The following DYTN variants were observed in gnomAD, a reference collection of about 807,000 sequenced individuals.
DYTN encodes dystrotelin.
A neutral mutation model predicts 69.6 loss-of-function variants in DYTN; 75 were observed. That is an observed-to-expected ratio of 1.08 (90% CI 0.89 to 1.31). The LOEUF (loss-of-function observed/expected upper bound fraction) is 1.31. DYTN is among the 50% of genes most tolerant of loss of function. The pLI is 0.00. For missense variants in DYTN, 726 were observed against 688.4 expected (o/e 1.05, Z -0.61); for synonymous variants, 252 against 249.1 (o/e 1.01, Z -0.11).
At chr2:206,700,283 G>A (rs993819106) in intron 5 of DYTN, 67 bp from the exon 6 acceptor site, 3 of 1,568,948 alleles carry the variant, frequency 1.9e-6, no homozygotes, top group Admixed American at 1.7e-5. Context: ...GGAGCAGCAG[G>A]GCTGAGAGCT....
chr2:206,662,771 A>G, intron 11 of DYTN, 132 bp downstream of exon 11: 2 of 1,367,528 alleles, frequency 1.5e-6, no homozygotes, highest in Non-Finnish European at 2.0e-6. Flanking sequence ...GATGCTACTG[A>G]TAACCAATAG....
chr2:206,666,896 C>CAA (rs150698653), intron 9 of DYTN, among the ~76,000 whole-genome samples: 2,540 of 143,348 alleles, frequency 0.018, 59 homozygotes, highest in Non-Finnish European at 0.027. Context: ...CACACACACA[C>CAA]AAATTAGCTG....
At chr2:206,656,844 C>A (rs974489938) in intron 11 of DYTN, among the ~76,000 whole-genome samples, 1 of 151,114 alleles carries the variant, frequency 6.6e-6, no homozygotes, top group Admixed American at 6.6e-5. Flanking sequence ...TTCACCGCAA[C>A]CTCTGCCTCC....
intron 9 of DYTN, among the ~76,000 whole-genome samples, chr2:206,673,744 C>T (rs1404146453): frequency 6.6e-6 from 1 of 152,130 alleles, no homozygotes; most frequent in African/African-American, 2.4e-5. Flanking sequence ...GAAATGGTCC[C>T]CTCAAAGCTG....
intron 9 of DYTN, among the ~76,000 whole-genome samples, chr2:206,672,833 CTT>C (rs1699644247): frequency 6.6e-6 from 1 of 152,142 alleles, no homozygotes; most frequent in South Asian, 2.1e-4. Flanking sequence ...AGAATGTACA[CTT>C]AAAAAAACAT....
In DYTN at chr2:206,665,953, G is replaced by T. The variant is rs139354756; in HGVS notation, c.1057C>A (p.Arg353=). Reference sequence around the variant, plus strand: ...AGTTTGTGAATCCTTGTTTCAAATCGACAAATTCTTTCTTCCTGGGAGGTG... The same window carrying T: ...AGTTTGTGAATCCTTGTTTCAAATCTACAAATTCTTTCTTCCTGGGAGGTG... ...IYTSQEERIC[R]FETRIHKLKT... is the part of the protein sequence containing the mutation. Residue 353 remains arginine (R), a synonymous_variant, in exon 10 of 12, where the codon CGA becomes AGA. Transcript: ENST00000452335. 6.2e-7 allele frequency: 1 copy of T among 1,613,708 alleles called. No individual in the cohort carries two copies. Among genetic ancestry groups the T allele is most frequent in the African/African-American group, 1.3e-5 (1 of 74,886 alleles).
chr2:206,698,910 G>A (rs1699947969), intron 7 of DYTN, among the ~76,000 whole-genome samples: 1 of 152,170 alleles, frequency 6.6e-6, no homozygotes, highest in Non-Finnish European at 1.5e-5. Context: ...TGCAAAGCAG[G>A]GACTCCGGAT....
chr2:206,682,602 G>A (rs1699760786), intron 9 of DYTN, among the ~76,000 whole-genome samples: 1 of 151,936 alleles, frequency 6.6e-6, no homozygotes, highest in African/African-American at 2.4e-5. Flanking sequence ...CTCTCTCTTT[G>A]ATGATCTCAT....
chr2:206,668,343 C>G (rs1699596302), intron 9 of DYTN, among the ~76,000 whole-genome samples: 1 of 152,210 alleles, frequency 6.6e-6, no homozygotes, highest in Admixed American at 6.5e-5. Context: ...AGGTAGGACT[C>G]TGTCAGAAAT....
intron 9 of DYTN, among the ~76,000 whole-genome samples, chr2:206,672,362 C>A (rs1699638734): frequency 6.6e-6 from 1 of 152,136 alleles, no homozygotes; most frequent in Non-Finnish European, 1.5e-5. Flanking sequence ...TCCCTCAGAA[C>A]AAATGGATGT....
chr2:206,660,550 A>G (rs1559304420), intron 11 of DYTN, among the ~76,000 whole-genome samples: 1 of 152,218 alleles, frequency 6.6e-6, no homozygotes, highest in Non-Finnish European at 1.5e-5. Flanking sequence ...CTTTTCTATA[A>G]AGTCCAAACT....
At chr2:206,656,110 T>C (rs1432965490) in intron 11 of DYTN, among the ~76,000 whole-genome samples, 2 of 146,666 alleles carry the variant, frequency 1.4e-5, no homozygotes, top group East Asian at 3.9e-4. Context: ...TCTATCACTG[T>C]CTATTTCTCC....
chr2:206,653,054 A>C (rs1376665001), intron 11 of DYTN, among the ~76,000 whole-genome samples: 1 of 152,170 alleles, frequency 6.6e-6, no homozygotes, highest in African/African-American at 2.4e-5. Flanking sequence ...TTTTTGTTGA[A>C]CATAAGGCTA....
chr2:206,656,540 T>C (rs2105886040), intron 11 of DYTN, among the ~76,000 whole-genome samples: 1 of 152,288 alleles, frequency 6.6e-6, no homozygotes, highest in East Asian at 1.9e-4. Context: ...TCTGTCTGTC[T>C]TTTAGTTGTA....
At chr2:206,662,606 GATA>G (rs1405777982) in intron 11 of DYTN, among the ~76,000 whole-genome samples, 1 of 151,270 alleles carries the variant, frequency 6.6e-6, no homozygotes, top group Non-Finnish European at 1.5e-5. Flanking sequence ...TAGGGATACT[GATA>G]ATAATAACAA....
intron 11 of DYTN, among the ~76,000 whole-genome samples, chr2:206,662,250 T>C (rs1416096248): frequency 6.6e-6 from 1 of 152,228 alleles, no homozygotes; most frequent in African/African-American, 2.4e-5. Flanking sequence ...AGGTTAGGTA[T>C]ACTGAATGCA....
intron 11 of DYTN, among the ~76,000 whole-genome samples, chr2:206,659,506 AAAAAAC>A (rs1699485724): frequency 7.0e-6 from 1 of 142,494 alleles, no homozygotes; most frequent in Non-Finnish European, 1.5e-5. Flanking sequence ...AAAAAAAAAA[AAAAAAC>A]TGGATCGGTA....
Position 206,663,110 on chromosome 2 carries a change from C to T in DYTN, c.1426G>A (p.Val476Ile). The change falls in exon 11 of 12, where the codon GTC becomes ATC. Residue 476 changes from valine to isoleucine, a missense_variant. Transcript: ENST00000452335. ...QSQTQKMPQKVISALPSYQEG... is the reference protein window; with the variant it reads ...QSQTQKMPQKIISALPSYQEG... ...TGATAACTGGGTAGGGCACTAATGA[C>T]TTTCTGTGGCATCTTTTGTGTTTGG... 1 of 1,613,872 alleles carries T rather than the reference C, an allele frequency of 6.2e-7. No homozygotes were observed. The highest frequency in any genetic ancestry group is 8.5e-7 in the Non-Finnish European group (1 of 1,179,860).
intron 5 of DYTN, among the ~76,000 whole-genome samples, chr2:206,703,515 T>TA (rs112568294): frequency 0.012 from 1,745 of 149,174 alleles, 33 homozygotes; most frequent in African/African-American, 0.038. Context: ...ACCTTATAAA[T>TA]AAAAAAAAAA....
Sources: allele counts gnomAD v4.1 joint callset (sites outside exome capture counted in the v4.1 genomes callset), GRCh38; gene constraint gnomAD v4.1.1; transcripts MANE v1.5; gene names NCBI Gene and HGNC (gene_info 2026-07-23, HGNC 2026-07-21).